Variants in UBE3A observed in about 807,000 individuals in gnomAD.
UBE3A encodes the protein ubiquitin-protein ligase E3A.
UBE3A carries 6 observed loss-of-function variants against 83.4 expected under a neutral mutation model. The ratio of observed to expected loss-of-function variants is 0.07; its 90% CI spans 0.04 to 0.14. The LOEUF is 0.14. Ranked by LOEUF, UBE3A falls within the 10% of genes least tolerant of loss-of-function variation. The pLI is 1.00. For missense variants in UBE3A, 456 were observed against 1,036.1 expected, an observed-to-expected ratio of 0.44 and a Z score of 7.69; for synonymous variants, 337 against 355.4, an observed-to-expected ratio of 0.95 and a Z score of 0.58.
In UBE3A at chr15:25,407,733, T is replaced by C. The variant is rs559585145; in HGVS notation, c.20+1355A>G. On this transcript the variant is annotated intron_variant, in intron 3 of 12. Coordinates refer to ENST00000648336, the MANE Select transcript of UBE3A (RefSeq NM_130839.5). Reference sequence around the variant, plus strand: ...TTAAAATAAATCTGTCCTGGGTCTATTAAACATAGCAAAGTTGTTCTACTC... The same window carrying C: ...TTAAAATAAATCTGTCCTGGGTCTACTAAACATAGCAAAGTTGTTCTACTC... 2.0e-5 allele frequency: 3 copies of C among 152,356 alleles called. No individual in the cohort carries two copies. In the South Asian group the frequency reaches 6.2e-4, roughly 32 times the overall value. The allele number at this position is 152,356 out of a possible 1,614,324, so 9.4% of individuals were successfully genotyped here.
chr15:25,420,000 A>C (rs1888970781), intron 1 of UBE3A, among the ~76,000 whole-genome samples: 1 of 152,154 alleles, frequency 6.6e-6, no homozygotes, highest in South Asian at 2.1e-4. Context: ...TAGAAAACAA[A>C]TAGTGTCTTA....
intron 5 of UBE3A, among the ~76,000 whole-genome samples, chr15:25,372,263 G>A (rs2080420936): frequency 6.6e-6 from 1 of 152,014 alleles, no homozygotes; most frequent in Non-Finnish European, 1.5e-5. Context: ...GACTAAGAAG[G>A]CAAGGTCTTA....
rs766532417 is a variant in UBE3A at position 25,337,070 on chromosome 15, A to G, written c.*2067T>C. ...TGCAACCGACGATTTTTTTTCTCTA[A>G]AATTTTAAGGGTAGGTTCATTCTGA... On this transcript the variant is annotated 3_prime_UTR_variant, in exon 13 of 13. Transcript: ENST00000648336. 1.3e-5 allele frequency: 2 copies of G among 152,118 alleles called. No homozygotes were observed. The highest frequency in any genetic ancestry group is 6.6e-5 in the Admixed American group (1 of 15,256). The allele number at this position is 152,118 out of a possible 1,614,324, so 9.4% of individuals were successfully genotyped here. A position where few individuals can be genotyped will look rare whatever the true frequency, so the allele number is the denominator to read the frequency against.
chr15:25,420,496 G>T (rs1051973388), intron 1 of UBE3A, among the ~76,000 whole-genome samples: 1 of 152,002 alleles, frequency 6.6e-6, no homozygotes, highest in Non-Finnish European at 1.5e-5. Context: ...TTATCTATCT[G>T]ACAAAGAACA....
intron 1 of UBE3A, among the ~76,000 whole-genome samples, chr15:25,430,473 G>A (rs761178064): frequency 3.3e-5 from 5 of 150,594 alleles, no homozygotes; most frequent in Non-Finnish European, 7.4e-5. Flanking sequence ...ATCTGGCACT[G>A]ACTAGCAATA....
chr15:25,354,740 A>C, intron 9 of UBE3A, 57 bp from the exon 10 acceptor site: 1 of 1,488,446 alleles, frequency 6.7e-7, no homozygotes, highest in Non-Finnish European at 9.3e-7. Context: ...AACAAAACAC[A>C]AGTTATTGGG....
chr15:25,389,525 A>G (rs2083845483), intron 4 of UBE3A, among the ~76,000 whole-genome samples: 1 of 152,152 alleles, frequency 6.6e-6, no homozygotes, highest in African/African-American at 2.4e-5. Flanking sequence ...GACAATGTCA[A>G]GAGTATGAAA....
chr15:25,375,726 A>G lies in UBE3A; in HGVS notation c.100T>C (p.Tyr34His). 1 of 1,613,736 alleles carries G rather than the reference A, an allele frequency of 6.2e-7. No individual in the cohort carries two copies. Among genetic ancestry groups the G allele is most frequent in the Non-Finnish European group, 8.5e-7 (1 of 1,180,026 alleles). The change falls in exon 5 of 13, where the codon TAC (tyrosine) becomes CAC (histidine). Residue 34 changes from tyrosine to histidine, a missense_variant. Tyr to His is a moderately conservative substitution (Grantham distance 83). Coordinates refer to ENST00000648336, the MANE Select transcript of UBE3A (RefSeq NM_130839.5). ...AAAKHLIERY[Y>H]HQLTEGCGNE... ...CCACAGCCCTCAGTTAACTGGTGGT[A>G]GTAGCGTTCTATTAGATGCTTTGCA...
intron 1 of UBE3A, among the ~76,000 whole-genome samples, chr15:25,427,818 G>A (rs1891842504): frequency 1.4e-5 from 2 of 144,802 alleles, no homozygotes; most frequent in South Asian, 4.3e-4. Context: ...AAAAAAAAAG[G>A]TGGGTGGGGT....
At chr15:25,389,200 C>T (rs982669198) in intron 4 of UBE3A, among the ~76,000 whole-genome samples, 1 of 148,056 alleles carries the variant, frequency 6.8e-6, no homozygotes, top group African/African-American at 2.5e-5. Flanking sequence ...GAGGCAAAGG[C>T]AATACAATGA....
chr15:25,393,685 A>G (rs1222747809), intron 4 of UBE3A: 1 of 152,256 alleles, frequency 6.6e-6, no homozygotes, highest in Non-Finnish European at 1.5e-5. Context: ...GAGAAGATTC[A>G]GCCAGAAACA....
chr15:25,369,913 C>T (rs900707671), intron 6 of UBE3A, among the ~76,000 whole-genome samples: 23 of 152,180 alleles, frequency 1.5e-4, no homozygotes, highest in African/African-American at 5.5e-4. Flanking sequence ...ATGTTACAGG[C>T]ACCACTAATC....
At chr15:25,340,272 T>G (rs147744911) in intron 11 of UBE3A, 44 bp from the exon 12 acceptor site, 1 of 1,591,486 alleles carries the variant, frequency 6.3e-7, no homozygotes, top group Non-Finnish European at 8.6e-7. Context: ...TGGCATTCAT[T>G]ATGACTGGTA....
At chr15:25,411,032 T>C (rs1477671675) in intron 2 of UBE3A, among the ~76,000 whole-genome samples, 2 of 152,214 alleles carry the variant, frequency 1.3e-5, no homozygotes, top group African/African-American at 4.8e-5. Context: ...ATTAAAGAGC[T>C]ATATGTATTT....
chr15:25,366,732 G>A (rs1365372359), intron 6 of UBE3A, among the ~76,000 whole-genome samples: 27 of 151,812 alleles, frequency 1.8e-4, no homozygotes, highest in Admixed American at 1.8e-3. Flanking sequence ...ATATCAAAAT[G>A]GCCTTTCTCT....
intron 9 of UBE3A, among the ~76,000 whole-genome samples, chr15:25,355,154 A>G (rs568374760): frequency 2.0e-5 from 3 of 152,268 alleles, no homozygotes; most frequent in South Asian, 2.1e-4. Flanking sequence ...ATAAATGCCA[A>G]CCGTTTTAAG....
chr15:25,379,479 A>C (rs1305344280), intron 4 of UBE3A, among the ~76,000 whole-genome samples: 1 of 152,226 alleles, frequency 6.6e-6, no homozygotes, highest in African/African-American at 2.4e-5. Flanking sequence ...AGCTACACTG[A>C]TGAGACAGGA....
rs774239596 is a variant in UBE3A, at chr15:25,340,195, A to G, written c.2388T>C (p.Asp796=). The G allele has an allele frequency of 2.5e-6, 4 of 1,613,900 alleles. No individual in the cohort carries two copies. The South Asian group carries it at 4.4e-5, about 18-fold the overall frequency. ...EFWEIVHSFT[D]EQKRLFLQFT... ...ACTGCAAGAAGAGTCTTTTCTGTTC[A>G]TCTGTAAATGAATGAACGATTTCCC... The change falls in exon 12 of 13, where the codon GAT becomes GAC. Residue 796 remains aspartate (D), a synonymous_variant. Coordinates refer to ENST00000648336, the MANE Select transcript of UBE3A (RefSeq NM_130839.5).
At position 25,409,094 on chromosome 15, in the gene UBE3A, C is replaced by T. The variant is rs1567112572; in HGVS notation, c.14G>A (p.Cys5Tyr). The T allele has an allele frequency of 1.9e-6, 3 of 1,592,418 alleles. No homozygotes were observed. Among genetic ancestry groups the T allele is most frequent in the Non-Finnish European group, 1.7e-6 (2 of 1,168,188 alleles). The change falls in exon 3 of 13, where the codon TGT (cysteine) becomes TAT (tyrosine). Residue 5 changes from cysteine (C) to tyrosine (Y), a missense_variant. This residue lies in a region of UBE3A where 23 missense variants were observed against 18.6 expected (regional missense o/e 1.24). Coordinates refer to ENST00000648336, the MANE Select transcript of UBE3A (RefSeq NM_130839.5). ...TAAAATAATTCAAAATTACCTTTTACAAGCTGTGGCCATTCGGTGACATCA... is the reference window on the plus strand; with the variant it reads ...TAAAATAATTCAAAATTACCTTTTATAAGCTGTGGCCATTCGGTGACATCA... Reference protein sequence around the residue: MATACKRSGEPQSDD... With the variant: MATAYKRSGEPQSDD...
Sources: gnomAD v4.1 joint callset for allele counts (sites outside exome capture counted in the v4.1 genomes callset) on GRCh38, gnomAD v4.1.1 for gene constraint, gnomAD v4.1.1 regional missense constraint, MANE v1.5 for transcripts, NCBI Gene and HGNC (gene_info 2026-07-23, HGNC 2026-07-21) for gene names.